Variants in GFOD1 observed in about 807,000 individuals in gnomAD.
GFOD1 encodes Gfo/Idh/MocA-like oxidoreductase domain containing 1.
A neutral mutation model predicts 25.4 loss-of-function variants in GFOD1; 9 were observed. The ratio of observed to expected loss-of-function variants is 0.35; its 90% CI spans 0.21 to 0.62. The LOEUF (loss-of-function observed/expected upper bound fraction) is 0.62. Among genes scored for constraint, GFOD1 ranks in the 20% least tolerant of loss-of-function variants. The pLI is 0.72. For missense variants in GFOD1, 403 were observed against 556.9 expected (o/e 0.72, Z 2.78); for synonymous variants, 253 against 245.6 (o/e 1.03, Z -0.28).
intron 1 of GFOD1, chr6:13,469,476 T>A: frequency 1.0e-6 from 1 of 991,558 alleles, no homozygotes; most frequent in Non-Finnish European, 1.2e-6. Context: ...CCCGTTTCTA[T>A]ACTTTGTCAA....
Position 13,410,577 on chromosome 6 carries a change from G to GGAGAGAGAGAGAGAGA in GFOD1, c.254-44931_254-44916dup, listed in dbSNP as rs10530261. The stretch of plus-strand genomic sequence containing the variant: ...AGCAAAACTCTGTCAAAGAAAGAAA[G>GGAGAGAGAGAGAGAGA]GAGAGAGAGAGAGAGAGAGAGAGAG... On this transcript the variant is annotated intron_variant, in intron 1 of 1. Coordinates refer to ENST00000379287, the MANE Select transcript of GFOD1 (RefSeq NM_018988.4). Among the ~76,000 whole-genome samples the GGAGAGAGAGAGAGAGA allele has an allele frequency of 2.5e-3, 315 of 128,086 alleles. 2 individuals are homozygous for GGAGAGAGAGAGAGAGA. The highest frequency in any genetic ancestry group is 2.7e-3 in the East Asian group (12 of 4,430). The allele number at this position is 128,086 out of a possible 152,430, so 84.0% of individuals were successfully genotyped here. A position where few individuals can be genotyped will look rare whatever the true frequency, so the allele number is the denominator to read the frequency against.
At chr6:13,475,474 C>G (rs1210328523) in intron 1 of GFOD1, among the ~76,000 whole-genome samples, 2 of 151,466 alleles carry the variant, frequency 1.3e-5, no homozygotes, top group Non-Finnish European at 2.9e-5. Flanking sequence ...CTTTGGGAGG[C>G]CAAGGCAGGC....
chr6:13,467,447 A>T (rs1758397009), intron 1 of GFOD1, among the ~76,000 whole-genome samples: 1 of 152,164 alleles, frequency 6.6e-6, no homozygotes, highest in Non-Finnish European at 1.5e-5. Flanking sequence ...ACCACCACAC[A>T]CACAGCCCAT....
chr6:13,389,202 T>C (rs985632993), intron 1 of GFOD1, among the ~76,000 whole-genome samples: 1 of 152,224 alleles, frequency 6.6e-6, no homozygotes, highest in African/African-American at 2.4e-5. Context: ...GAAGACAGTG[T>C]GGCAATTCAT....
intron 1 of GFOD1, among the ~76,000 whole-genome samples, chr6:13,385,619 A>G (rs140339534): frequency 0.011 from 1,667 of 152,330 alleles, 21 homozygotes; most frequent in Middle Eastern, 0.031. Flanking sequence ...TTATGAGTAG[A>G]ACTTGCCAAA....
intron 1 of GFOD1, among the ~76,000 whole-genome samples, chr6:13,468,964 C>G (rs575495822): frequency 6.6e-6 from 1 of 152,372 alleles, no homozygotes; most frequent in Admixed American, 6.5e-5. Flanking sequence ...CTTTCCTCCC[C>G]TATGGAGCCC....
At chr6:13,424,956 C>CTTTTTTTTTTT (rs571287840) in intron 1 of GFOD1, among the ~76,000 whole-genome samples, 2 of 123,876 alleles carry the variant, frequency 1.6e-5, no homozygotes, top group African/African-American at 3.2e-5. Flanking sequence ...ACATTTAATT[C>CTTTTTTTTTTT]TTTTTTTTTT....
At chr6:13,368,019 C>T (rs1293345582) in intron 1 of GFOD1, among the ~76,000 whole-genome samples, 10 of 152,282 alleles carry the variant, frequency 6.6e-5, no homozygotes, top group East Asian at 5.8e-4. Context: ...ACAAAATCCA[C>T]GAACACTTAC....
At chr6:13,442,373 A>G (rs1276284209) in intron 1 of GFOD1, among the ~76,000 whole-genome samples, 1 of 152,198 alleles carries the variant, frequency 6.6e-6, no homozygotes, top group African/African-American at 2.4e-5. Context: ...CGATCTCTTT[A>G]TGTCTCTCTA....
In GFOD1 at chr6:13,390,761, AAGAG is replaced by A. The variant is rs70989852; in HGVS notation, c.254-25103_254-25100del. ...AAAGAAAGACAGGAAGAGAGAGAGA[AAGAG>A]AGAGAGAGAGAGAGAAAGGAAGGAA... On this transcript the variant is annotated intron_variant, in intron 1 of 1. Coordinates refer to ENST00000379287, the MANE Select transcript of GFOD1 (RefSeq NM_018988.4). 4.3e-4 allele frequency among the ~76,000 whole-genome samples: 45 copies of A among 104,794 alleles called. 1 individual carries two copies. Among genetic ancestry groups the A allele is most frequent in the South Asian group, 1.5e-3 (5 of 3,402 alleles). 68.7% of individuals were successfully genotyped at this position (104,794 alleles called of 152,430 possible). A position where few individuals can be genotyped will look rare whatever the true frequency, so the allele number is the denominator to read the frequency against.
chr6:13,427,767 T>TA (rs1562215964), intron 1 of GFOD1, among the ~76,000 whole-genome samples: 2 of 152,246 alleles, frequency 1.3e-5, no homozygotes. Context: ...AAGGAAGGTT[T>TA]ATCCCACTAT....
intron 1 of GFOD1, among the ~76,000 whole-genome samples, chr6:13,383,997 C>CAGGTGGATCACCCGAGGT: frequency 6.6e-6 from 1 of 152,284 alleles, no homozygotes; most frequent in East Asian, 1.9e-4. Flanking sequence ...GAGGCCGAGG[C>CAGGTGGATCACCCGAGGT]AGGTGGATCA....
intron 1 of GFOD1, among the ~76,000 whole-genome samples, chr6:13,383,923 T>C (rs148059897): frequency 1.3e-5 from 2 of 152,270 alleles, no homozygotes; most frequent in Non-Finnish European, 2.9e-5. Context: ...ACACTGTGAT[T>C]AAGAACAAAA....
chr6:13,401,071 A>G (rs1049142915), intron 1 of GFOD1, among the ~76,000 whole-genome samples: 1 of 152,220 alleles, frequency 6.6e-6, no homozygotes, highest in Non-Finnish European at 1.5e-5. Flanking sequence ...ATTCCTTTCT[A>G]TAAAGTGAGG....
chr6:13,428,708 G>A (rs757702114), intron 1 of GFOD1, among the ~76,000 whole-genome samples: 1 of 152,248 alleles, frequency 6.6e-6, no homozygotes, highest in Middle Eastern at 3.4e-3. Context: ...CTCCCAGGGC[G>A]GGCGGCAGGA....
At chr6:13,466,825 A>G (rs1174080985) in intron 1 of GFOD1, among the ~76,000 whole-genome samples, 2 of 152,212 alleles carry the variant, frequency 1.3e-5, no homozygotes, top group South Asian at 2.1e-4. Context: ...AGTTGGTATT[A>G]GCAGTTATTC....
chr6:13,374,273 T>TGTGTGTGTGTG (rs1554199407), intron 1 of GFOD1, among the ~76,000 whole-genome samples: 4 of 134,388 alleles, frequency 3.0e-5, no homozygotes, highest in African/African-American at 1.2e-4. Flanking sequence ...TGTTTTTTTT[T>TGTGTGTGTGTG]TGTGTGTGTG....
chr6:13,382,260 G>A (rs1785381090), intron 1 of GFOD1, among the ~76,000 whole-genome samples: 1 of 151,908 alleles, frequency 6.6e-6, no homozygotes, highest in South Asian at 2.1e-4. Context: ...TGGTCTGGCT[G>A]TGTCCCCACC....
At chr6:13,459,062 C>T (rs1758244064) in intron 1 of GFOD1, among the ~76,000 whole-genome samples, 1 of 152,228 alleles carries the variant, frequency 6.6e-6, no homozygotes, top group Non-Finnish European at 1.5e-5. Context: ...GAGGTGAGGT[C>T]TAACGGTAGG....
Sources: gnomAD v4.1 joint callset for allele counts (sites outside exome capture counted in the v4.1 genomes callset) on GRCh38, gnomAD v4.1.1 for gene constraint, MANE v1.5 for transcripts, NCBI Gene and HGNC (gene_info 2026-07-23, HGNC 2026-07-21) for gene names.